KCNAB2: variants seen among roughly 807,000 people sequenced by gnomAD.
KCNAB2 encodes potassium voltage-gated channel subfamily A regulatory beta subunit 2.
KCNAB2 carries 29 observed loss-of-function variants against 63.6 expected under a neutral mutation model. The observed-to-expected ratio is 0.46, with a 90% CI of 0.34 to 0.62. The LOEUF (loss-of-function observed/expected upper bound fraction) is 0.62. KCNAB2 is among the 20% of genes least tolerant of loss of function. The pLI is 0.01. For missense variants in KCNAB2, 359 were observed against 563.9 expected, an observed-to-expected ratio of 0.64 and a Z score of 3.68; for synonymous variants, 222 against 224.2, an observed-to-expected ratio of 0.99 and a Z score of 0.09.
intron 9 of KCNAB2, among the ~76,000 whole-genome samples, 189 bp downstream of exon 9, chr1:6,090,664 T>G (rs1029589039): frequency 1.3e-5 from 2 of 152,106 alleles, no homozygotes; most frequent in Non-Finnish European, 2.9e-5. Context: ...AGCCTCTGGC[T>G]GCAGACCCCT....
chr1:6,086,699 C>T lies in KCNAB2; in HGVS notation c.426-768C>T, dbSNP rs1009767440. Among the ~76,000 whole-genome samples the T allele has an allele frequency of 6.6e-6, 1 of 152,154 alleles. No individual in the cohort carries two copies. The highest frequency in any genetic ancestry group is 1.5e-5 in the Non-Finnish European group (1 of 68,014). Reference sequence around the variant, plus strand: ...AAGCCACTGGTATGGGCATTTGTCTCGTGTGGACTTAGAGCAGAAGAACGA... The same window carrying T: ...AAGCCACTGGTATGGGCATTTGTCTTGTGTGGACTTAGAGCAGAAGAACGA... On this transcript the variant is annotated intron_variant, in intron 6 of 15. Transcript: ENST00000378083. This position sits in a 1 kb window ranked among gnomAD's most constrained non-coding sequence, Gnocchi z 4.2.
chr1:6,068,760 G>A (rs971641490), intron 2 of KCNAB2, among the ~76,000 whole-genome samples: 1 of 152,180 alleles, frequency 6.6e-6, no homozygotes, highest in African/African-American at 2.4e-5. Context: ...GACTGAGGGG[G>A]AGCCTGATCC....
chr1:6,029,238 G>A (rs911164335), intron 1 of KCNAB2, among the ~76,000 whole-genome samples: 2 of 148,908 alleles, frequency 1.3e-5, no homozygotes, highest in African/African-American at 2.5e-5. Flanking sequence ...AGCCGAGATC[G>A]CGCCATTGCA....
chr1:6,049,915 C>G (rs193201060), intron 1 of KCNAB2, among the ~76,000 whole-genome samples: 1 of 152,322 alleles, frequency 6.6e-6, no homozygotes, highest in East Asian at 1.9e-4. Flanking sequence ...GCCCCCCTCT[C>G]TGGGTGCACA....
At chr1:6,083,852 G>A (rs1466872900) in intron 5 of KCNAB2, among the ~76,000 whole-genome samples, 3 of 152,172 alleles carry the variant, frequency 2.0e-5, no homozygotes, top group Non-Finnish European at 2.9e-5. Flanking sequence ...TGTGTCCCGC[G>A]AACAGATGTG....
chr1:6,094,430 A>G lies in KCNAB2; in HGVS notation c.677A>G (p.Asn226Ser), dbSNP rs1230071404. The G allele has an allele frequency of 1.2e-6, 2 of 1,612,042 alleles. No individual in the cohort carries two copies. Among genetic ancestry groups the G allele is most frequent in the Non-Finnish European group, 8.5e-7 (1 of 1,179,570 alleles). ...GTCCGCGCCATGACCCACGTCATCA[A>G]CCAGGGGATGGCCATGTACTGGGGC... Reference protein sequence around the residue: ...ETVRAMTHVINQGMAMYWGTS... With the variant: ...ETVRAMTHVISQGMAMYWGTS... Residue 226 changes from asparagine (N) to serine (S), a missense_variant, in exon 11 of 16, where the codon AAC becomes AGC. Asn to Ser is a conservative substitution (Grantham distance 46). This residue lies in a region of KCNAB2 where 271 missense variants were observed against 476.1 expected (regional missense o/e 0.57). Coordinates refer to ENST00000378083, the MANE Select transcript of KCNAB2 (RefSeq NM_001199862.2).
At chr1:6,088,699 T>A (rs1184251625) in intron 7 of KCNAB2, among the ~76,000 whole-genome samples, 4 of 86,544 alleles carry the variant, frequency 4.6e-5, no homozygotes, top group African/African-American at 2.2e-4. Flanking sequence ...GTTCTTAATT[T>A]AAAAAATAAT....
intron 2 of KCNAB2, among the ~76,000 whole-genome samples, chr1:6,063,406 G>C (rs1246236520): frequency 6.9e-6 from 1 of 144,050 alleles, no homozygotes; most frequent in Non-Finnish European, 1.5e-5. Context: ...GCCTGTGCCA[G>C]TAATTTTTTT....
At position 6,091,554 on chromosome 1, in the gene KCNAB2, G is replaced by A. The variant is rs184753164; in HGVS notation, c.646+247G>A. On this transcript the variant is annotated intron_variant, in intron 10 of 15. Transcript: ENST00000378083. ...CTCCCGTGCATGGCCCCCACCCCTG[G>A]GCTTGCACTGCTGAGCTCCGCGGCG... 4.7e-3 allele frequency among the ~76,000 whole-genome samples: 711 copies of A among 151,772 alleles called. 9 individuals are homozygous for A. Among genetic ancestry groups the A allele is most frequent in the African/African-American group, 0.017 (684 of 41,358 alleles).
chr1:6,030,489 C>A (rs1371794028), upstream of KCNAB2, among the ~76,000 whole-genome samples: 1 of 150,626 alleles, frequency 6.6e-6, no homozygotes, highest in African/African-American at 2.4e-5. Flanking sequence ...GTACGTGTGT[C>A]TGTGCATTGT....
chr1:6,014,034 G>T (rs1409600487), intron 1 of KCNAB2, among the ~76,000 whole-genome samples: 1 of 152,212 alleles, frequency 6.6e-6, no homozygotes, highest in Non-Finnish European at 1.5e-5. Context: ...GCTGTCATTT[G>T]TGCCTAAAAC....
chr1:5,995,167 A>C (rs1377918649), intron 1 of KCNAB2, among the ~76,000 whole-genome samples: 5 of 152,156 alleles, frequency 3.3e-5, no homozygotes, highest in African/African-American at 1.2e-4. Flanking sequence ...TCGGGGCGGC[A>C]ATTCGAGAAG....
intron 1 of KCNAB2, among the ~76,000 whole-genome samples, chr1:6,014,621 T>C (rs1472703436): frequency 1.3e-5 from 2 of 152,106 alleles, no homozygotes; most frequent in African/African-American, 4.8e-5. Flanking sequence ...CAGAGAGGGC[T>C]GCGAGGATGC....
upstream of KCNAB2, among the ~76,000 whole-genome samples, chr1:6,032,919 G>A (rs1229232895): frequency 1.3e-5 from 2 of 152,188 alleles, no homozygotes; most frequent in African/African-American, 2.4e-5. Context: ...AAAATATGGG[G>A]GGTTGCTTCT....
intron 1 of KCNAB2, among the ~76,000 whole-genome samples, chr1:6,000,667 AAAAG>A (rs1657203506): frequency 1.3e-5 from 2 of 151,672 alleles, no homozygotes; most frequent in African/African-American, 4.8e-5. Flanking sequence ...AAAAAAAAAA[AAAAG>A]AAAACAGTGA....
At chr1:6,037,949 A>G (rs1570922764) in intron 1 of KCNAB2, among the ~76,000 whole-genome samples, 1 of 135,748 alleles carries the variant, frequency 7.4e-6, no homozygotes, top group Non-Finnish European at 1.5e-5. Context: ...AACTCGGCTC[A>G]CTGCAAGCTC....
chr1:6,059,409 G>T (rs1008358336), intron 2 of KCNAB2, among the ~76,000 whole-genome samples: 2 of 152,038 alleles, frequency 1.3e-5, no homozygotes, highest in African/African-American at 4.8e-5. Context: ...AGGCTAGCTG[G>T]GAACCCCTGG....
Position 6,098,940 on chromosome 1 carries a change from G to T in KCNAB2, c.*366G>T, listed in dbSNP as rs2100807753. The T allele has an allele frequency of 1.0e-5, 2 of 198,440 alleles. No individual in the cohort carries two copies. Among genetic ancestry groups the T allele is most frequent in the South Asian group, 9.1e-5 (1 of 10,952 alleles). 12.3% of individuals were successfully genotyped at this position (198,440 alleles called of 1,614,324 possible). ...GTTCCCAAAGTCAAGGCCAGGCCAA[G>T]GCCTGGTTGGGTCCTTGGGGCGGGC... is the stretch of plus-strand genomic sequence containing the variant. On this transcript the variant is annotated 3_prime_UTR_variant, in exon 16 of 16. Transcript: ENST00000378083.
At chr1:6,014,282 C>T (rs922981997) in intron 1 of KCNAB2, among the ~76,000 whole-genome samples, 6 of 152,196 alleles carry the variant, frequency 3.9e-5, no homozygotes, top group African/African-American at 1.4e-4. Flanking sequence ...TGTCCAGCTT[C>T]AGCGTAGGAC....
Sources: gnomAD v4.1 joint callset for allele counts (sites outside exome capture counted in the v4.1 genomes callset) on GRCh38, gnomAD v4.1.1 for gene constraint, gnomAD v4.1.1 regional missense constraint, Gnocchi (gnomAD v3.1) non-coding constraint, MANE v1.5 for transcripts, NCBI Gene and HGNC (gene_info 2026-07-23, HGNC 2026-07-21) for gene names.